The following CNOT9 variants were observed in gnomAD, a reference collection of about 807,000 sequenced individuals.
CNOT9 encodes CCR4-NOT transcription complex subunit 9, also known as RCD1 required for cell differentiation1 homolog.
Under a neutral mutation model 37.4 loss-of-function variants are expected in CNOT9, and 8 were observed. The observed-to-expected ratio is 0.21, with a 90% CI of 0.13 to 0.39. The LOEUF (loss-of-function observed/expected upper bound fraction) is 0.39, where lower values mean the gene tolerates loss of function less well. Ranked by LOEUF, CNOT9 falls within the 10% of genes least tolerant of loss-of-function variation. The pLI is 1.00. For missense variants in CNOT9, 154 were observed against 365.3 expected, an observed-to-expected ratio of 0.42 and a Z score of 4.71; for synonymous variants, 120 against 137.6, an observed-to-expected ratio of 0.87 and a Z score of 0.90.
chr2:218,568,985 G>A lies in CNOT9; in HGVS notation c.24+7G>A. 6.2e-7 allele frequency: 1 copy of A among 1,611,622 alleles called. No homozygotes were observed. Among genetic ancestry groups the A allele is most frequent in the Non-Finnish European group, 8.5e-7 (1 of 1,178,900 alleles). ...CAGCCTGGCGACGGCTGCGGTGAGTGGCTGGGCCCCCAGGCTTGGAACCAG... is the reference window on the plus strand; with the variant it reads ...CAGCCTGGCGACGGCTGCGGTGAGTAGCTGGGCCCCCAGGCTTGGAACCAG... On this transcript the variant is annotated splice_region_variant and intron_variant, in intron 1 of 7. Coordinates refer to ENST00000273064, the MANE Select transcript of CNOT9 (RefSeq NM_005444.3).
intron 3 of CNOT9, among the ~76,000 whole-genome samples, chr2:218,583,511 T>A (rs1300530340): frequency 6.6e-6 from 1 of 152,158 alleles, no homozygotes; most frequent in East Asian, 1.9e-4. Context: ...GAATCCTTCT[T>A]AACATAGCAT....
chr2:218,583,223 GTGTGTGTGTGTCTCTCTCTCTCTCTCTC>G (rs1430008843), intron 3 of CNOT9, 137 bp downstream of exon 3: 60 of 365,172 alleles, frequency 1.6e-4, no homozygotes, highest in East Asian at 2.5e-4. Context: ...GTGTGTGTGT[GTGTGTGTGTGTCTCTCTCTCTCTCTCTC>G]TCTCTCTCTC....
Position 218,594,334 on chromosome 2 carries a change from G to A in CNOT9, c.*58G>A, listed in dbSNP as rs750887815. The stretch of plus-strand genomic sequence containing the variant: ...GTTGGGGAAAGGAGGGGGAACCTAC[G>A]AGAAAAACAGCTCAGGTTTTATCAC... On this transcript the variant is annotated 3_prime_UTR_variant, in exon 8 of 8. Transcript: ENST00000273064. 3.0e-5 allele frequency: 45 copies of A among 1,519,090 alleles called. No homozygotes were observed. Among genetic ancestry groups the A allele is most frequent in the Non-Finnish European group, 3.4e-5 (38 of 1,122,164 alleles). 94.1% of individuals were successfully genotyped at this position (1,519,090 alleles called of 1,614,324 possible). A position where few individuals can be genotyped will look rare whatever the true frequency, so the allele number is the denominator to read the frequency against.
In CNOT9 at chr2:218,594,147, G is replaced by A. The variant is rs757006473; in HGVS notation, c.771G>A (p.Leu257=). ...EALRQCLPDQ[L]KDTTFAQVLK... ...TCAGACAGTGCCTCCCTGACCAGCT[G>A]AAAGACACAACCTTCGCCCAGGTGC... The change falls in exon 8 of 8, where the codon CTG becomes CTA. Residue 257 remains leucine (L), a synonymous_variant. Transcript: ENST00000273064. The A allele has an allele frequency of 1.9e-6, 3 of 1,614,242 alleles. No individual in the cohort carries two copies. Among genetic ancestry groups the A allele is most frequent in the Non-Finnish European group, 2.5e-6 (3 of 1,180,048 alleles).
Position 218,595,382 on chromosome 2 carries a change from G to T in CNOT9, c.*1106G>T, listed in dbSNP as rs1433025138. The stretch of plus-strand genomic sequence containing the variant: ...AATTTTATTCAGATTGAAGATGGAG[G>T]GCTGGGTTCTGCTCACTCAGTCTTT... On this transcript the variant is annotated 3_prime_UTR_variant, in exon 8 of 8. Transcript: ENST00000273064. 2 of 145,294 alleles carry T rather than the reference G, an allele frequency of 1.4e-5. No homozygotes were observed. The highest frequency in any genetic ancestry group is 3.0e-5 in the Non-Finnish European group (2 of 67,086). The allele number at this position is 145,294 out of a possible 1,614,324, so 9.0% of individuals were successfully genotyped here.
At chr2:218,581,372 A>C (rs923875005) in intron 2 of CNOT9, among the ~76,000 whole-genome samples, 1 of 150,776 alleles carries the variant, frequency 6.6e-6, no homozygotes. Flanking sequence ...GAGTTTCACC[A>C]TGTTGGTCAG....
Position 218,595,086 on chromosome 2 carries a change from T to A in CNOT9, c.*810T>A, listed in dbSNP as rs1559252951. ...GCTAGTTTTCCCAAATCTCAGTGCT[T>A]TCCCTTTTTGAACTTCCCTTCTATT... On this transcript the variant is annotated 3_prime_UTR_variant, in exon 8 of 8. Transcript: ENST00000273064. 6.7e-6 allele frequency: 1 copy of A among 149,582 alleles called. No homozygotes were observed. The highest frequency in any genetic ancestry group is 1.5e-5 in the Non-Finnish European group (1 of 68,056). The allele number at this position is 149,582 out of a possible 1,614,324, so 9.3% of individuals were successfully genotyped here.
chr2:218,571,971 C>T (rs769615737), intron 1 of CNOT9, among the ~76,000 whole-genome samples: 2 of 151,876 alleles, frequency 1.3e-5, no homozygotes, highest in Non-Finnish European at 2.9e-5. Flanking sequence ...TTTTTCTCTC[C>T]TCTAATAAAT....
intron 2 of CNOT9, 67 bp from the exon 3 acceptor site, chr2:218,582,904 C>A: frequency 2.7e-6 from 2 of 739,396 alleles, no homozygotes; most frequent in South Asian, 1.8e-5. Flanking sequence ...TTTTTTTTTG[C>A]TTTATTACCA....
chr2:218,579,049 C>T (rs772497015), intron 1 of CNOT9, among the ~76,000 whole-genome samples: 4 of 152,130 alleles, frequency 2.6e-5, no homozygotes, highest in Non-Finnish European at 5.9e-5. Context: ...GTTTTCTGCT[C>T]AGTTGAGGGG....
At chr2:218,576,244 A>C (rs1694164934) in intron 1 of CNOT9, among the ~76,000 whole-genome samples, 1 of 152,212 alleles carries the variant, frequency 6.6e-6, no homozygotes, top group African/African-American at 2.4e-5. Flanking sequence ...TTGGTGTTTT[A>C]TTTAGGAATG....
At chr2:218,573,636 C>T (rs13427522) in intron 1 of CNOT9, 92,185 of 152,088 alleles carry the variant, frequency 0.61, 28,148 homozygotes, top group East Asian at 0.78. Flanking sequence ...ATTTTCTTTA[C>T]CATTTATAGA....
intron 1 of CNOT9, among the ~76,000 whole-genome samples, chr2:218,573,430 G>C (rs1237836101): frequency 6.6e-6 from 1 of 151,790 alleles, no homozygotes; most frequent in Admixed American, 6.6e-5. Flanking sequence ...ATACCATGCT[G>C]ACACCCAAAT....
chr2:218,580,374 G>A (rs1357400269), intron 1 of CNOT9, among the ~76,000 whole-genome samples, 187 bp from the exon 2 acceptor site: 1 of 152,164 alleles, frequency 6.6e-6, no homozygotes, highest in Non-Finnish European at 1.5e-5. Context: ...TTATCAAAGG[G>A]TATGTGTGCA....
At chr2:218,583,215 GTGTGTGTGTGTGTGTGTGTCTCTCTC>G (rs1559247298) in intron 3 of CNOT9, 129 bp downstream of exon 3, 4 of 376,068 alleles carry the variant, frequency 1.1e-5, no homozygotes, top group African/African-American at 1.0e-4. Context: ...GTGTGTGTGT[GTGTGTGTGTGTGTGTGTGTCTCTCTC>G]TCTCTCTCTC....
chr2:218,578,565 A>C (rs970699984), intron 1 of CNOT9, among the ~76,000 whole-genome samples: 1 of 152,230 alleles, frequency 6.6e-6, no homozygotes, highest in South Asian at 2.1e-4. Context: ...GGGAATATGC[A>C]ACTTCATACC....
intron 5 of CNOT9, among the ~76,000 whole-genome samples, chr2:218,591,751 A>AG (rs1272891246): frequency 6.6e-6 from 1 of 152,072 alleles, no homozygotes; most frequent in Non-Finnish European, 1.5e-5. Flanking sequence ...TAAAAAAAAA[A>AG]AAAGAAAAGA....
chr2:218,571,428 TAA>T (rs1491416788), intron 1 of CNOT9, among the ~76,000 whole-genome samples: 4 of 152,080 alleles, frequency 2.6e-5, no homozygotes, highest in Admixed American at 2.6e-4. Flanking sequence ...CTTTGTCTAT[TAA>T]GAGAGAGAGA....
At position 218,590,797 on chromosome 2, in the gene CNOT9, C is replaced by CTTGTTGTTG. The variant is rs72308011; in HGVS notation, c.541-1489_541-1481dup. ...TGGTAAAATCTCTCCCTACATCTCT[C>CTTGTTGTTG]TTGTTGTTGTTGTTGTTGTTGTTGT... On this transcript the variant is annotated intron_variant, in intron 5 of 7. Transcript: ENST00000273064. Among the ~76,000 whole-genome samples, 1,217 of 150,812 alleles carry CTTGTTGTTG rather than the reference C, an allele frequency of 8.1e-3. 8 individuals carry two copies. Among genetic ancestry groups the CTTGTTGTTG allele is most frequent in the Non-Finnish European group, 0.011 (730 of 67,744 alleles).
Sources: gnomAD v4.1 joint callset for allele counts (sites outside exome capture counted in the v4.1 genomes callset) on GRCh38, gnomAD v4.1.1 for gene constraint, MANE v1.5 for transcripts, NCBI Gene and HGNC (gene_info 2026-07-23, HGNC 2026-07-21) for gene names.